Variants in FAM83G observed in about 807,000 individuals in gnomAD.
The protein encoded by FAM83G is scaffolding CK1 anchoring protein G.
Under a neutral mutation model 61.5 loss-of-function variants are expected in FAM83G, and 38 were observed. That is an observed-to-expected ratio of 0.62 (90% CI 0.48 to 0.81). The LOEUF is 0.81. FAM83G is among the 30% of genes least tolerant of loss of function. FAM83G has a pLI of 0.00. For missense variants in FAM83G, 989 were observed against 1,133.6 expected (o/e 0.87, Z 1.83); for synonymous variants, 470 against 476.1 (o/e 0.99, Z 0.17).
chr17:19,002,240 G>A (rs2043748907), intron 2 of FAM83G, among the ~76,000 whole-genome samples: 1 of 152,202 alleles, frequency 6.6e-6, no homozygotes, highest in Non-Finnish European at 1.5e-5. Flanking sequence ...GAAACCCGAA[G>A]CCTCAAAGCT....
chr17:18,988,165 C>T (rs895838773), intron 3 of FAM83G, 82 bp downstream of exon 3: 1 of 1,548,054 alleles, frequency 6.5e-7, no homozygotes, highest in South Asian at 1.2e-5. Flanking sequence ...CCGTCCAGAG[C>T]AGGCAGGTAC....
At position 18,969,587 on chromosome 17, in the gene FAM83G, G is replaced by C; in HGVS notation, c.*1772C>G. On this transcript the variant is annotated 3_prime_UTR_variant, in exon 6 of 6. Transcript: ENST00000388995. ...GAGCCACTAGGCAGTCAGCCCCCCT[G>C]CTGGCCCCTCAGGGACTGCCCTGGC... 1.6e-6 allele frequency: 1 copy of C among 614,428 alleles called. No homozygotes were observed. Among genetic ancestry groups the C allele is most frequent in the South Asian group, 2.3e-5 (1 of 44,368 alleles). 38.1% of individuals were successfully genotyped at this position (614,428 alleles called of 1,614,324 possible).
chr17:18,975,713 T>C (rs542053536), intron 5 of FAM83G: 41 of 151,696 alleles, frequency 2.7e-4, no homozygotes, highest in African/African-American at 9.4e-4. Flanking sequence ...AAAAAAATCA[T>C]AGAGGCTTCC....
In FAM83G at chr17:18,977,900, G is replaced by A. The variant is rs368202632; in HGVS notation, c.1766C>T (p.Thr589Ile). 3.7e-6 allele frequency: 6 copies of A among 1,610,560 alleles called. No individual in the cohort carries two copies. The African/African-American group carries it at 6.7e-5, about 18-fold the overall frequency. The change falls in exon 5 of 6, where the codon ACC (threonine) becomes ATC (isoleucine). Residue 589 changes from threonine (T) to isoleucine (I), a missense_variant. Thr to Ile is a moderately conservative substitution (Grantham distance 89, BLOSUM62 -1). This residue lies in a region of FAM83G where 574 missense variants were observed against 645.1 expected (regional missense o/e 0.89). Transcript: ENST00000388995. The stretch of plus-strand genomic sequence containing the variant: ...TGAGTGGCTGTCCTGGTCACTGAGG[G>A]TTACGTAGTCGTCATCATCTTCTTC... ...VEEEDDDDYV[T>I]LSDQDSHSGS...
rs1421044730 is a variant in FAM83G, at chr17:19,003,810, A to G, written c.232T>C (p.Ser78Pro). The G allele has an allele frequency of 6.2e-7, 1 of 1,612,676 alleles. No homozygotes were observed. Among genetic ancestry groups the G allele is most frequent in the Non-Finnish European group, 8.5e-7 (1 of 1,179,852 alleles). The change falls in exon 2 of 6, where the codon TCT (serine) becomes CCT (proline). Residue 78 changes from serine (S) to proline (P), a missense_variant. Ser to Pro is a moderately conservative substitution (Grantham distance 74). This residue lies in a region of FAM83G where 371 missense variants were observed against 404.5 expected (regional missense o/e 0.92). Coordinates refer to ENST00000388995, the MANE Select transcript of FAM83G (RefSeq NM_001039999.3). The surrounding 1 kb of genome is among the most constrained non-coding windows in gnomAD (Gnocchi z 4.5). ...LETIEVYDPG[S>P]EDPRGTGPSQ... ...GGGCCCGTGCCCCGAGGGTCCTCAG[A>G]GCCCGGGTCGTACACCTCGATGGTC...
chr17:18,976,940 C>A (rs199950392), intron 5 of FAM83G: 1 of 1,613,322 alleles, frequency 6.2e-7, no homozygotes, highest in Non-Finnish European at 8.5e-7. Flanking sequence ...AGATGCTCCC[C>A]ATGGGCCTGA....
At chr17:19,005,717 C>G (rs910128815), upstream of FAM83G, among the ~76,000 whole-genome samples, 2 of 152,036 alleles carry the variant, frequency 1.3e-5, no homozygotes, top group African/African-American at 4.8e-5. Context: ...GTCCACTGCC[C>G]TGGGCAATGA....
chr17:18,991,450 G>A (rs929134381), intron 2 of FAM83G, among the ~76,000 whole-genome samples: 2 of 152,214 alleles, frequency 1.3e-5, no homozygotes, highest in Admixed American at 6.5e-5. Context: ...GATGCTTCAC[G>A]TAGCCCCAAG....
rs2042833322 is a variant in FAM83G at position 18,971,169 on chromosome 17, T to G, written c.*190A>C. On this transcript the variant is annotated 3_prime_UTR_variant, in exon 6 of 6. Transcript: ENST00000388995. This position sits in a 1 kb window ranked among gnomAD's most constrained non-coding sequence, Gnocchi z 5.5. The stretch of plus-strand genomic sequence containing the variant: ...ACAGGGGACCTGCCGTGGACCGGGA[T>G]GACCTTTGGCCTGACCATCATGGCC... 1 of 1,613,990 alleles carries G rather than the reference T, an allele frequency of 6.2e-7. No individual in the cohort carries two copies. Among genetic ancestry groups the G allele is most frequent in the Non-Finnish European group, 8.5e-7 (1 of 1,180,038 alleles).
At chr17:18,983,209 C>T (rs2043183089) in intron 3 of FAM83G, among the ~76,000 whole-genome samples, 1 of 152,238 alleles carries the variant, frequency 6.6e-6, no homozygotes, top group African/African-American at 2.4e-5. Flanking sequence ...GCTCTTTCAT[C>T]ACCCACCTCC....
At chr17:18,999,228 A>C (rs964922808) in intron 2 of FAM83G, among the ~76,000 whole-genome samples, 1 of 152,124 alleles carries the variant, frequency 6.6e-6, no homozygotes, top group Middle Eastern at 3.2e-3. Context: ...CGGTGAGCAG[A>C]GATCGTGCCA....
Position 18,977,954 on chromosome 17 carries a change from C to T in FAM83G, c.1712G>A (p.Gly571Glu). The change falls in exon 5 of 6, where the codon GGG (glycine) becomes GAG (glutamate). Residue 571 changes from glycine to glutamate, a missense_variant. Coordinates refer to ENST00000388995, the MANE Select transcript of FAM83G (RefSeq NM_001039999.3). ...TQDDPESLGVGLPNGLDGVEE... is the reference protein window; with the variant it reads ...TQDDPESLGVELPNGLDGVEE... ...CACCCCATCCAGCCCATTGGGGAGCCCCACCCCGAGGCTCTCGGGGTCATC... is the reference window on the plus strand; with the variant it reads ...CACCCCATCCAGCCCATTGGGGAGCTCCACCCCGAGGCTCTCGGGGTCATC... The T allele has an allele frequency of 6.2e-7, 1 of 1,602,052 alleles. No individual in the cohort carries two copies. Among genetic ancestry groups the T allele is most frequent in the Non-Finnish European group, 8.5e-7 (1 of 1,173,876 alleles).
rs745783630 is a variant in FAM83G at position 18,971,026 on chromosome 17, C to A, written c.*333G>T. 2.5e-6 allele frequency: 4 copies of A among 1,613,806 alleles called. 1 individual carries two copies. The South Asian group carries it at 3.3e-5, about 13-fold the overall frequency. On this transcript the variant is annotated 3_prime_UTR_variant, in exon 6 of 6. Transcript: ENST00000388995. The surrounding 1 kb of genome is among the most constrained non-coding windows in gnomAD (Gnocchi z 5.5). Reference sequence around the variant, plus strand: ...TGACCCCTCCAGCTTTTGACCAGATCGGTGGTTACGGGCAGCTGGAGGCAG... The same window carrying A: ...TGACCCCTCCAGCTTTTGACCAGATAGGTGGTTACGGGCAGCTGGAGGCAG...
intron 2 of FAM83G, among the ~76,000 whole-genome samples, chr17:18,998,067 C>A (rs2043613151): frequency 6.6e-6 from 1 of 152,168 alleles, no homozygotes; most frequent in African/African-American, 2.4e-5. Context: ...GCCTGTCTTC[C>A]CACCACCCCA....
rs375952088 is a variant in FAM83G at position 18,992,503 on chromosome 17, T to A, written c.523-4089A>T. On this transcript the variant is annotated intron_variant, in intron 2 of 5. Coordinates refer to ENST00000388995, the MANE Select transcript of FAM83G (RefSeq NM_001039999.3). ...CCAGCAGACACGGCCTGAAGCCACGTAACACTGGCTGCTGGCGTTGGGGGT... is the reference window on the plus strand; with the variant it reads ...CCAGCAGACACGGCCTGAAGCCACGAAACACTGGCTGCTGGCGTTGGGGGT... Among the ~76,000 whole-genome samples the A allele has an allele frequency of 1.9e-3, 294 of 152,310 alleles. 2 individuals are homozygous for A. Among genetic ancestry groups the A allele is most frequent in the African/African-American group, 6.9e-3 (288 of 41,566 alleles).
Position 18,971,361 on chromosome 17 carries a change from A to G in FAM83G, c.2470T>C (p.Ter824GlnextTer11). 4 of 1,558,974 alleles carry G rather than the reference A, an allele frequency of 2.6e-6. No individual in the cohort carries two copies. The highest frequency in any genetic ancestry group is 3.5e-6 in the Non-Finnish European group (4 of 1,158,976). The change falls in exon 6 of 6, where the codon TAG (stop) becomes CAG (glutamine). Residue 824 changes from the stop codon to glutamine (Q), a stop_lost. Transcript: ENST00000388995. The surrounding 1 kb of genome is among the most constrained non-coding windows in gnomAD (Gnocchi z 5.5). Reference protein sequence around the residue: ...AQAPRDRKDP* With the variant: ...AQAPRDRKDPQ ...TGGCTCCAGGCTGGGACATGCTGCT[A>G]GGGGTCTTTGCGGTCCCGGGGGGCT...
intron 3 of FAM83G, among the ~76,000 whole-genome samples, chr17:18,981,764 C>T (rs1238616604): frequency 1.3e-5 from 2 of 152,240 alleles, no homozygotes; most frequent in Non-Finnish European, 2.9e-5. Context: ...GGGCCGCCCT[C>T]GCCGGCCCCC....
At chr17:18,976,889 G>A (rs1464666808) in intron 5 of FAM83G, 2 of 1,613,582 alleles carry the variant, frequency 1.2e-6, no homozygotes, top group Non-Finnish European at 1.7e-6. Context: ...CCCGGGACCT[G>A]AACCATGCCA....
At chr17:18,995,667 G>A (rs190345382) in intron 2 of FAM83G, among the ~76,000 whole-genome samples, 1 of 152,188 alleles carries the variant, frequency 6.6e-6, no homozygotes, top group African/African-American at 2.4e-5. Context: ...CAGCACTTTG[G>A]GAGGCAGAGG....
Sources: allele counts gnomAD v4.1 joint callset (sites outside exome capture counted in the v4.1 genomes callset), GRCh38; gene constraint gnomAD v4.1.1; regional missense constraint gnomAD v4.1.1; non-coding constraint Gnocchi (gnomAD v3.1); transcripts MANE v1.5; gene names NCBI Gene and HGNC (gene_info 2026-07-23, HGNC 2026-07-21).